Variants in TBC1D14 observed in about 807,000 individuals in gnomAD.
TBC1D14 encodes the protein TBC1 domain family, member 14.
Under a neutral mutation model 79.0 loss-of-function variants are expected in TBC1D14, and 26 were observed. That is an observed-to-expected ratio of 0.33 (90% confidence interval 0.24 to 0.46). The LOEUF is 0.46. TBC1D14 is among the 20% of genes least tolerant of loss of function. The pLI is 1.00. For missense variants in TBC1D14, 769 were observed against 887.6 expected, an observed-to-expected ratio of 0.87 and a Z score of 1.70; for synonymous variants, 394 against 349.9, an observed-to-expected ratio of 1.13 and a Z score of -1.40.
chr4:6,936,257 C>T (rs9291123), intron 2 of TBC1D14, among the ~76,000 whole-genome samples: 84,071 of 152,032 alleles, frequency 0.55, 23,535 homozygotes, highest in East Asian at 0.67. Context: ...CTGCCGTGGC[C>T]GTATCACACT....
At chr4:6,913,033 G>A (rs1055171448) in intron 1 of TBC1D14, among the ~76,000 whole-genome samples, 1 of 152,140 alleles carries the variant, frequency 6.6e-6, no homozygotes, top group African/African-American at 2.4e-5. Flanking sequence ...CGCTCTTGTT[G>A]CCCAGGCTGG....
At chr4:7,008,632 C>G (rs1379923972) in intron 9 of TBC1D14, among the ~76,000 whole-genome samples, 1 of 152,160 alleles carries the variant, frequency 6.6e-6, no homozygotes, top group African/African-American at 2.4e-5. Context: ...AGGCTGGTCT[C>G]GAACTCCTGA....
intron 10 of TBC1D14, among the ~76,000 whole-genome samples, chr4:7,010,386 G>A (rs1359232491): frequency 6.6e-6 from 1 of 152,162 alleles, no homozygotes; most frequent in Non-Finnish European, 1.5e-5. Flanking sequence ...TATTTCAGAT[G>A]CTCTGGGCCT....
chr4:7,026,971 G>C (rs759006835), intron 13 of TBC1D14, among the ~76,000 whole-genome samples: 25 of 152,194 alleles, frequency 1.6e-4, no homozygotes, highest in Non-Finnish European at 2.6e-4. Flanking sequence ...TCAACACTTT[G>C]AGAGGCTGAG....
intron 3 of TBC1D14, among the ~76,000 whole-genome samples, chr4:6,982,253 G>C (rs1717442867): frequency 6.6e-6 from 1 of 152,168 alleles, no homozygotes; most frequent in Admixed American, 6.5e-5. Flanking sequence ...GATGAATGGT[G>C]GTACATTCCA....
chr4:7,010,849 G>C (rs1720692147), intron 11 of TBC1D14, 68 bp downstream of exon 11: 1 of 1,520,324 alleles, frequency 6.6e-7, no homozygotes, highest in Non-Finnish European at 8.9e-7. Context: ...TTACTCGTCT[G>C]TGTTTTCGGT....
At chr4:6,984,228 C>G (rs1359322472) in intron 3 of TBC1D14, among the ~76,000 whole-genome samples, 1 of 152,198 alleles carries the variant, frequency 6.6e-6, no homozygotes, top group African/African-American at 2.4e-5. Context: ...GTCTTTGTCT[C>G]TCTGAGCCTC....
chr4:6,994,115 T>C, intron 3 of TBC1D14, 69 bp from the exon 4 acceptor site: 1 of 1,344,378 alleles, frequency 7.4e-7, no homozygotes, highest in Non-Finnish European at 1.1e-6. Flanking sequence ...CAAAACAACT[T>C]TCTTACTTTC....
chr4:6,981,345 T>C (rs1717360608), intron 3 of TBC1D14, among the ~76,000 whole-genome samples: 2 of 152,222 alleles, frequency 1.3e-5, no homozygotes, highest in Non-Finnish European at 2.9e-5. Context: ...ATAACTTAGA[T>C]GAAACCGTCC....
In TBC1D14 at chr4:7,031,732, G is replaced by C. The variant is rs1194368150; in HGVS notation, c.*1340G>C. On this transcript the variant is annotated 3_prime_UTR_variant, in exon 14 of 14. Coordinates refer to ENST00000409757, the MANE Select transcript of TBC1D14 (RefSeq NM_020773.3). ...CCCGGTCACGGGCTTGGTTAGTCATGCGTACATGTGTGCCTTGGGGTGCTC... is the reference window on the plus strand; with the variant it reads ...CCCGGTCACGGGCTTGGTTAGTCATCCGTACATGTGTGCCTTGGGGTGCTC... 1 of 152,212 alleles carries C rather than the reference G, an allele frequency of 6.6e-6. No individual in the cohort carries two copies. The highest frequency in any genetic ancestry group is 2.4e-5 in the African/African-American group (1 of 41,450). 9.4% of individuals were successfully genotyped at this position (152,212 alleles called of 1,614,324 possible). A position where few individuals can be genotyped will look rare whatever the true frequency, so the allele number is the denominator to read the frequency against.
At chr4:6,947,982 A>G (rs910607757) in intron 2 of TBC1D14, among the ~76,000 whole-genome samples, 3 of 152,224 alleles carry the variant, frequency 2.0e-5, no homozygotes, top group African/African-American at 7.2e-5. Context: ...GCAAATAACA[A>G]AAATGCAATA....
In TBC1D14 at chr4:6,923,905, C is replaced by G; in HGVS notation, c.516C>G (p.Val172=). 6.2e-7 allele frequency: 1 copy of G among 1,614,168 alleles called. No individual in the cohort carries two copies. Among genetic ancestry groups the G allele is most frequent in the Non-Finnish European group, 8.5e-7 (1 of 1,180,040 alleles). The part of the protein sequence containing the change: ...LGTELSTTLS[V]SNEDILDLVV... ...CAGAGCTGTCCACCACGCTGTCCGT[C>G]AGCAATGAGGACATCTTGGACCTTG... Residue 172 remains valine, a synonymous_variant, in exon 2 of 14, where the codon GTC becomes GTG. Transcript: ENST00000409757.
chr4:6,960,078 C>A (rs62289164), intron 2 of TBC1D14, among the ~76,000 whole-genome samples: 1 of 114,578 alleles, frequency 8.7e-6, no homozygotes, highest in African/African-American at 3.1e-5. Flanking sequence ...CTACCCTGTG[C>A]CCCTTTTTTT....
At chr4:6,960,636 AAAT>A (rs925937205) in intron 2 of TBC1D14, among the ~76,000 whole-genome samples, 6 of 152,202 alleles carry the variant, frequency 3.9e-5, no homozygotes, top group African/African-American at 7.2e-5. Context: ...TGACATTAAA[AAAT>A]AATAATATGT....
In TBC1D14 at chr4:6,951,257, A is replaced by C. The variant is rs71601815; in HGVS notation, c.723-16047A>C. On this transcript the variant is annotated intron_variant, in intron 2 of 13. Transcript: ENST00000409757. ...CAGTGAGCCAGGATGGCACCATTGC[A>C]CTCCAGCCTGGGCGGCAGAGCAAGA... is the stretch of plus-strand genomic sequence containing the variant. Among the ~76,000 whole-genome samples, 236 of 152,290 alleles carry C rather than the reference A, an allele frequency of 1.5e-3. 1 individual carries two copies. Among genetic ancestry groups the C allele is most frequent in the Non-Finnish European group, 2.9e-3 (194 of 68,038 alleles).
intron 3 of TBC1D14, among the ~76,000 whole-genome samples, chr4:6,985,860 C>T (rs1293787840): frequency 6.6e-6 from 1 of 152,184 alleles, no homozygotes; most frequent in Non-Finnish European, 1.5e-5. Context: ...AGCCTCTTTC[C>T]CTTTTATCCT....
intron 12 of TBC1D14, 59 bp from the exon 13 acceptor site, chr4:7,024,945 T>C (rs1258107248): frequency 2.5e-6 from 4 of 1,594,188 alleles, no homozygotes; most frequent in East Asian, 4.5e-5. Context: ...TGGAATTCAC[T>C]GTTCTTTCTT....
chr4:6,927,325 G>A (rs750949753), intron 2 of TBC1D14, among the ~76,000 whole-genome samples: 8 of 152,116 alleles, frequency 5.3e-5, no homozygotes, highest in Non-Finnish European at 1.2e-4. Context: ...AGCCGAGAGT[G>A]CTGGTTCAGG....
intron 2 of TBC1D14, among the ~76,000 whole-genome samples, chr4:6,953,085 G>A (rs1346514910): frequency 6.9e-6 from 1 of 144,974 alleles, no homozygotes; most frequent in Non-Finnish European, 1.5e-5. Flanking sequence ...GAGTACAATG[G>A]TGCAATCTTG....
Sources: gnomAD v4.1 joint callset for allele counts (sites outside exome capture counted in the v4.1 genomes callset) on GRCh38, gnomAD v4.1.1 for gene constraint, MANE v1.5 for transcripts, NCBI Gene and HGNC (gene_info 2026-07-23, HGNC 2026-07-21) for gene names.